The following GRIN2B variants were observed in gnomAD, a reference collection of about 807,000 sequenced individuals.
GRIN2B encodes the protein glutamate receptor ionotropic, NMDA 2B.
Under a neutral mutation model 114.5 loss-of-function variants are expected in GRIN2B, and 5 were observed. That is an observed-to-expected ratio of 0.04 (90% CI 0.02 to 0.09). The LOEUF (loss-of-function observed/expected upper bound fraction) is 0.09. Among genes scored for constraint, GRIN2B ranks in the 10% least tolerant of loss-of-function variants. The pLI, the probability that GRIN2B is intolerant of heterozygous loss-of-function variation, is 1.00. For missense variants in GRIN2B, 1,108 were observed against 1,943.5 expected (o/e 0.57, Z 8.08); for synonymous variants, 787 against 745.1 (o/e 1.06, Z -0.92).
At position 13,615,805 on chromosome 12, in the gene GRIN2B, G is replaced by A. The variant is rs529373201; in HGVS notation, c.1329-141C>T. ...GCTCAGCACAATTTATACTAGACTCGAGTGAAGAAATAAAGCAGGCAACAG... is the reference window on the plus strand; with the variant it reads ...GCTCAGCACAATTTATACTAGACTCAAGTGAAGAAATAAAGCAGGCAACAG... On this transcript the variant is annotated intron_variant, in intron 6 of 13. Coordinates refer to ENST00000609686, the MANE Select transcript of GRIN2B (RefSeq NM_000834.5). This position sits in a 1 kb window ranked among gnomAD's most constrained non-coding sequence, Gnocchi z 5.8. 1.4e-4 allele frequency: 103 copies of A among 723,886 alleles called. No homozygotes were observed. The highest frequency in any genetic ancestry group is 1.1e-3 in the South Asian group (74 of 66,568). 44.8% of individuals were successfully genotyped at this position (723,886 alleles called of 1,614,324 possible). A position where few individuals can be genotyped will look rare whatever the true frequency, so the allele number is the denominator to read the frequency against.
intron 2 of GRIN2B, among the ~76,000 whole-genome samples, chr12:13,881,913 C>G (rs147542476): frequency 6.6e-6 from 1 of 152,160 alleles, no homozygotes; most frequent in Non-Finnish European, 1.5e-5. Flanking sequence ...CTGATTCAGT[C>G]TGAGCTCTGC....
intron 4 of GRIN2B, chr12:13,683,492 A>T (rs1305206154): frequency 6.6e-6 from 1 of 152,198 alleles, no homozygotes; most frequent in Non-Finnish European, 1.5e-5. Flanking sequence ...AAATATAAAT[A>T]ATAATATTAC....
chr12:13,812,507 T>G (rs902256491), intron 3 of GRIN2B, among the ~76,000 whole-genome samples: 1 of 152,212 alleles, frequency 6.6e-6, no homozygotes, highest in African/African-American at 2.4e-5. Flanking sequence ...ACTAAACCTA[T>G]TTCAACTGTA....
chr12:13,754,050 A>G, intron 3 of GRIN2B, 135 bp from the exon 4 acceptor site: 1 of 623,416 alleles, frequency 1.6e-6, no homozygotes, highest in Non-Finnish European at 2.9e-6. Context: ...ACAAGTTTGT[A>G]TTTACAATAA....
chr12:13,816,571 A>C (rs1233342222), intron 3 of GRIN2B, among the ~76,000 whole-genome samples: 1 of 152,158 alleles, frequency 6.6e-6, no homozygotes, highest in African/African-American at 2.4e-5. Flanking sequence ...AGGAGTGAGC[A>C]GCAGACCTGG....
At chr12:13,569,770 G>T in intron 12 of GRIN2B, 60 bp downstream of exon 12, 1 of 1,001,194 alleles carries the variant, frequency 1.0e-6, no homozygotes, top group South Asian at 1.6e-5. Flanking sequence ...AGGAAAGGTT[G>T]ATGTTTTGGA....
At chr12:13,721,156 AG>A (rs1950505119) in intron 4 of GRIN2B, among the ~76,000 whole-genome samples, 1 of 151,990 alleles carries the variant, frequency 6.6e-6, no homozygotes. Flanking sequence ...CCAAGGAGAG[AG>A]GGAAGCATGT....
At chr12:13,877,551 T>C (rs1866008613) in intron 2 of GRIN2B, among the ~76,000 whole-genome samples, 1 of 152,206 alleles carries the variant, frequency 6.6e-6, no homozygotes. Context: ...TGTTCTTGCC[T>C]TCCTCCTCTC....
chr12:13,610,173 C>A (rs767721201), intron 9 of GRIN2B, among the ~76,000 whole-genome samples: 1 of 152,152 alleles, frequency 6.6e-6, no homozygotes, highest in African/African-American at 2.4e-5. Flanking sequence ...GCGTGTGGAC[C>A]TTATTTCATG....
intron 3 of GRIN2B, among the ~76,000 whole-genome samples, chr12:13,817,540 G>A (rs976705769): frequency 2.0e-5 from 3 of 152,168 alleles, no homozygotes; most frequent in African/African-American, 7.2e-5. Context: ...TAGCACATGT[G>A]GAATGCAAAA....
chr12:13,704,610 T>C (rs1331174098), intron 4 of GRIN2B, among the ~76,000 whole-genome samples: 6 of 152,034 alleles, frequency 3.9e-5, no homozygotes, highest in Non-Finnish European at 7.4e-5. Flanking sequence ...CCAAATCCTA[T>C]TGGCACCATC....
intron 2 of GRIN2B, among the ~76,000 whole-genome samples, chr12:13,956,058 C>A (rs1487862112): frequency 6.6e-6 from 1 of 152,178 alleles, no homozygotes. Context: ...GAGGTTGCAG[C>A]GACACCTTGA....
At chr12:13,877,588 G>C (rs1350947778) in intron 2 of GRIN2B, among the ~76,000 whole-genome samples, 1 of 152,088 alleles carries the variant, frequency 6.6e-6, no homozygotes, top group African/African-American at 2.4e-5. Context: ...TTATAGGATG[G>C]GTAGAATAAT....
intron 5 of GRIN2B, among the ~76,000 whole-genome samples, chr12:13,631,359 T>G (rs898837977): frequency 1.3e-5 from 2 of 152,154 alleles, no homozygotes; most frequent in Admixed American, 6.5e-5. Flanking sequence ...TTGCAGAGAC[T>G]GATTCTCTAA....
chr12:13,570,584 G>C (rs1370871181), intron 11 of GRIN2B, among the ~76,000 whole-genome samples: 2 of 152,184 alleles, frequency 1.3e-5, no homozygotes, highest in Non-Finnish European at 2.9e-5. Flanking sequence ...AACTACAAGA[G>C]AAAGCAAAAT....
intron 2 of GRIN2B, among the ~76,000 whole-genome samples, chr12:13,868,362 TAAAGG>T (rs1157708595): frequency 1.3e-5 from 2 of 151,690 alleles, no homozygotes; most frequent in African/African-American, 2.4e-5. Context: ...TCCCAGAACT[TAAAGG>T]AAAGAAACAC....
chr12:13,868,942 G>C (rs1490697713), intron 2 of GRIN2B, among the ~76,000 whole-genome samples: 3 of 152,174 alleles, frequency 2.0e-5, no homozygotes, highest in African/African-American at 4.8e-5. Context: ...TTGAGGGAAA[G>C]CATGTAGTCC....
At chr12:13,874,007 C>G (rs1010311275) in intron 2 of GRIN2B, among the ~76,000 whole-genome samples, 2 of 152,154 alleles carry the variant, frequency 1.3e-5, no homozygotes, top group Admixed American at 6.5e-5. Flanking sequence ...AATCTCTGAG[C>G]CAGCAGATGA....
chr12:13,739,400 A>AAG (rs1863241267), intron 4 of GRIN2B, among the ~76,000 whole-genome samples: 4 of 137,314 alleles, frequency 2.9e-5, no homozygotes, highest in African/African-American at 8.0e-5. Flanking sequence ...AAAAAAAAAA[A>AAG]AAGAAGAAAA....
Sources: allele counts gnomAD v4.1 joint callset (sites outside exome capture counted in the v4.1 genomes callset), GRCh38; gene constraint gnomAD v4.1.1; non-coding constraint Gnocchi (gnomAD v3.1); transcripts MANE v1.5; gene names NCBI Gene and HGNC (gene_info 2026-07-23, HGNC 2026-07-21).